PCDHA9: variants seen among roughly 807,000 people sequenced by gnomAD.
PCDHA9 encodes protocadherin alpha-9.
Under a neutral mutation model 62.0 loss-of-function variants are expected in PCDHA9, and 62 were observed. That is an observed-to-expected ratio of 1.00 (90% CI 0.81 to 1.23). The LOEUF (loss-of-function observed/expected upper bound fraction) is 1.23, where lower values mean the gene tolerates loss of function less well. Among genes scored for constraint, PCDHA9 ranks in the 50% most tolerant of loss-of-function variants. PCDHA9 has a pLI of 0.00. For missense variants in PCDHA9, 1,205 were observed against 1,249.8 expected, an observed-to-expected ratio of 0.96 and a Z score of 0.54; for synonymous variants, 557 against 567.6, an observed-to-expected ratio of 0.98 and a Z score of 0.27.
At chr5:140,981,748 G>C (rs975887463) in intron 2 of PCDHA9, among the ~76,000 whole-genome samples, 28 of 151,686 alleles carry the variant, frequency 1.8e-4, no homozygotes, top group African/African-American at 6.8e-4. Context: ...ATATGAGTTA[G>C]TATTAGACAT....
rs148144382 is a variant in PCDHA9 at position 140,914,978 on chromosome 5, G to C, written c.2395-63971G>C. On this transcript the variant is annotated intron_variant, in intron 1 of 3. Coordinates refer to ENST00000532602, the MANE Select transcript of PCDHA9 (RefSeq NM_031857.2). ...TTTTTTTTTTCTGAGTCAGAGTCTT[G>C]CTCTGCTACCAGGCTGGAGTGCAGT... Among the ~76,000 whole-genome samples the C allele has an allele frequency of 8.9e-3, 1,161 of 130,768 alleles. 6 individuals are homozygous for C. Among genetic ancestry groups the C allele is most frequent in the African/African-American group, 0.022 (758 of 34,950 alleles). 85.8% of individuals were successfully genotyped at this position (130,768 alleles called of 152,430 possible).
chr5:140,982,802 T>G (rs2153829847), intron 3 of PCDHA9, among the ~76,000 whole-genome samples: 1 of 152,122 alleles, frequency 6.6e-6, no homozygotes, highest in South Asian at 2.1e-4. Context: ...TGCATGTGTG[T>G]GTGTGTGTAT....
At chr5:140,922,386 T>G (rs1554200798) in intron 1 of PCDHA9, among the ~76,000 whole-genome samples, 1 of 152,194 alleles carries the variant, frequency 6.6e-6, no homozygotes, top group African/African-American at 2.4e-5. Context: ...AACCAAAGAC[T>G]CCTTGTTTTG....
At chr5:140,964,802 GA>G (rs1187447949) in intron 1 of PCDHA9, among the ~76,000 whole-genome samples, 2 of 151,946 alleles carry the variant, frequency 1.3e-5, no homozygotes, top group African/African-American at 4.8e-5. Context: ...CCCAAGAAAG[GA>G]GACAGGAATA....
At chr5:140,852,353 C>A (rs1349870360) in intron 1 of PCDHA9, 2 of 209,384 alleles carry the variant, frequency 9.6e-6, no homozygotes, top group African/African-American at 4.8e-5. Flanking sequence ...TCTTGGCTCA[C>A]TGCAACGTCT....
chr5:140,979,145 G>A, intron 2 of PCDHA9, 138 bp downstream of exon 2: 1 of 1,447,220 alleles, frequency 6.9e-7, no homozygotes, highest in Non-Finnish European at 9.1e-7. Context: ...CAATTATTTT[G>A]TCCCCATGTT....
At chr5:141,007,498 G>T (rs936217793) in intron 3 of PCDHA9, among the ~76,000 whole-genome samples, 2 of 151,942 alleles carry the variant, frequency 1.3e-5, no homozygotes, top group Admixed American at 1.3e-4. Context: ...GACCTAGGAG[G>T]CAGAGACTGC....
chr5:141,010,205 G>A lies in PCDHA9; in HGVS notation c.*268G>A, dbSNP rs1554262753. On this transcript the variant is annotated 3_prime_UTR_variant, in exon 4 of 4. Transcript: ENST00000532602. ...ACCCAAGTTTCCTTTCTCCTCCGCC[G>A]CAAAGGAGAGGCTTCCCAGCCCCGC... 4 of 1,551,732 alleles carry A rather than the reference G, an allele frequency of 2.6e-6. No homozygotes were observed. Among genetic ancestry groups the A allele is most frequent in the African/African-American group, 1.4e-5 (1 of 73,014 alleles).
In PCDHA9 at chr5:140,851,743, G is replaced by A. The variant is rs1045115703; in HGVS notation, c.2394+854G>A. ...ACTTCGAGTTCTTTTGAAATTCAGA[G>A]TCTGTAACTTAAAACATTACCCTTA... On this transcript the variant is annotated intron_variant, in intron 1 of 3. Transcript: ENST00000532602. 3 of 972,104 alleles carry A rather than the reference G, an allele frequency of 3.1e-6. 1 individual carries two copies. The highest frequency in any genetic ancestry group is 3.7e-6 in the Non-Finnish European group (3 of 804,720). 60.2% of individuals were successfully genotyped at this position (972,104 alleles called of 1,614,324 possible).
At chr5:140,982,585 A>G (rs782780327) in intron 3 of PCDHA9, 22 bp downstream of exon 3, 1 of 1,611,974 alleles carries the variant, frequency 6.2e-7, no homozygotes, top group Non-Finnish European at 8.5e-7. Context: ...GGGTCTCTCC[A>G]TTCTTTCTTG....
At chr5:140,989,444 T>C (rs2097342711) in intron 3 of PCDHA9, among the ~76,000 whole-genome samples, 1 of 152,130 alleles carries the variant, frequency 6.6e-6, no homozygotes, top group South Asian at 2.1e-4. Context: ...CTGAGGTTGT[T>C]TAGAATTGTT....
At position 140,944,452 on chromosome 5, in the gene PCDHA9, G is replaced by A. The variant is rs147335783; in HGVS notation, c.2395-34497G>A. 1.8e-3 allele frequency among the ~76,000 whole-genome samples: 280 copies of A among 152,282 alleles called. 3 individuals are homozygous for A. Among genetic ancestry groups the A allele is most frequent in the African/African-American group, 6.4e-3 (266 of 41,552 alleles). ...TCTGCCTGCCTCGGCCTCCCAAAGTGCTGGGATTACAGGTATGAGGCACTG... is the reference window on the plus strand; with the variant it reads ...TCTGCCTGCCTCGGCCTCCCAAAGTACTGGGATTACAGGTATGAGGCACTG... On this transcript the variant is annotated intron_variant, in intron 1 of 3. Coordinates refer to ENST00000532602, the MANE Select transcript of PCDHA9 (RefSeq NM_031857.2).
intron 1 of PCDHA9, chr5:140,858,577 A>T: frequency 7.4e-7 from 1 of 1,352,316 alleles, no homozygotes; most frequent in Non-Finnish European, 1.0e-6. Context: ...ATACCTTTGT[A>T]ATATAATTTA....
chr5:140,927,953 C>T (rs782230690), intron 1 of PCDHA9: 48 of 1,614,090 alleles, frequency 3.0e-5, no homozygotes, highest in Non-Finnish European at 2.1e-5. Flanking sequence ...GAGGACGCTG[C>T]CCCTGGCACA....
At chr5:140,986,859 C>T (rs1554248338) in intron 3 of PCDHA9, among the ~76,000 whole-genome samples, 1 of 152,152 alleles carries the variant, frequency 6.6e-6, no homozygotes, top group East Asian at 1.9e-4. Context: ...ACCAACAATA[C>T]CCGGAAACTT....
chr5:140,989,681 A>C (rs1428237884), intron 3 of PCDHA9, among the ~76,000 whole-genome samples: 1 of 152,250 alleles, frequency 6.6e-6, no homozygotes, highest in Non-Finnish European at 1.5e-5. Flanking sequence ...CAGATTTCAA[A>C]GGAACGTGAA....
At chr5:140,907,873 CACTCA>C (rs2073658134) in intron 1 of PCDHA9, among the ~76,000 whole-genome samples, 1 of 152,226 alleles carries the variant, frequency 6.6e-6, no homozygotes, top group Non-Finnish European at 1.5e-5. Context: ...CGTTGGTGAG[CACTCA>C]CATGGGATAC....
At chr5:140,939,428 G>A (rs1417323934) in intron 1 of PCDHA9, among the ~76,000 whole-genome samples, 2 of 152,128 alleles carry the variant, frequency 1.3e-5, no homozygotes, top group Admixed American at 6.5e-5. Flanking sequence ...TCTTCCATAA[G>A]CATTTGAAGA....
chr5:140,929,307 C>T (rs149565434), intron 1 of PCDHA9: 10 of 1,570,046 alleles, frequency 6.4e-6, no homozygotes, highest in Admixed American at 1.8e-5. Context: ...AAGGGGATCA[C>T]GCTAATGTCA....
Sources: allele counts gnomAD v4.1 joint callset (sites outside exome capture counted in the v4.1 genomes callset), GRCh38; gene constraint gnomAD v4.1.1; transcripts MANE v1.5; gene names NCBI Gene and HGNC (gene_info 2026-07-23, HGNC 2026-07-21).